SCHIP1: variants seen among roughly 807,000 people sequenced by gnomAD.
SCHIP1 encodes schwannomin-interacting protein 1.
SCHIP1 carries 8 observed loss-of-function variants against 29.7 expected under a neutral mutation model. The ratio of observed to expected loss-of-function variants is 0.27; its 90% CI spans 0.16 to 0.49. The LOEUF (loss-of-function observed/expected upper bound fraction) is 0.49. Ranked by LOEUF, SCHIP1 falls within the 20% of genes least tolerant of loss-of-function variation. The pLI is 0.99. For missense variants in SCHIP1, 193 were observed against 294.6 expected (o/e 0.66, Z 2.52); for synonymous variants, 76 against 94.9 (o/e 0.80, Z 1.16).
At chr3:159,864,489 A>G (rs1459696507) in intron 1 of SCHIP1, among the ~76,000 whole-genome samples, 2 of 151,468 alleles carry the variant, frequency 1.3e-5, no homozygotes, top group Non-Finnish European at 2.9e-5. Flanking sequence ...ACACACACAC[A>G]CACACACACA....
At chr3:159,282,710 A>G in the SCHIP1 span, 1 of 146,310 alleles carries the variant, frequency 6.8e-6, no homozygotes, top group South Asian at 2.3e-4. Context: ...GCAGAGAACA[A>G]AGGACTCAGT....
At chr3:159,359,388 G>T in the SCHIP1 span, among the ~76,000 whole-genome samples, 1 of 152,112 alleles carries the variant, frequency 6.6e-6, no homozygotes, top group Non-Finnish European at 1.5e-5. Context: ...CTGCCTTTCT[G>T]ATGGGTCATA....
chr3:159,394,241 A>G, the SCHIP1 span, among the ~76,000 whole-genome samples: 4 of 151,014 alleles, frequency 2.6e-5, no homozygotes, highest in African/African-American at 7.3e-5. Context: ...TTCTAGATAT[A>G]CAATCATGTC....
At chr3:159,605,978 A>G in the SCHIP1 span, among the ~76,000 whole-genome samples, 1 of 151,886 alleles carries the variant, frequency 6.6e-6, no homozygotes, top group Non-Finnish European at 1.5e-5. Context: ...TGCGGCAGAA[A>G]TCTTAAATCT....
At chr3:159,417,856 G>A in the SCHIP1 span, among the ~76,000 whole-genome samples, 1 of 152,178 alleles carries the variant, frequency 6.6e-6, no homozygotes, top group South Asian at 2.1e-4. Flanking sequence ...TTAAGAATTT[G>A]TCTCAGCTCG....
At chr3:159,719,161 G>A in the SCHIP1 span, among the ~76,000 whole-genome samples, 1 of 152,154 alleles carries the variant, frequency 6.6e-6, no homozygotes, top group East Asian at 1.9e-4. Flanking sequence ...AAATGGTGCT[G>A]GGAAAACTGG....
At chr3:159,492,653 T>C in the SCHIP1 span, among the ~76,000 whole-genome samples, 2 of 152,070 alleles carry the variant, frequency 1.3e-5, no homozygotes, top group East Asian at 1.9e-4. Flanking sequence ...ATGGGGAGAA[T>C]GGAACCAAGT....
the SCHIP1 span, among the ~76,000 whole-genome samples, chr3:159,582,347 A>T: frequency 1.3e-5 from 2 of 151,436 alleles, no homozygotes; most frequent in African/African-American, 4.9e-5. Context: ...TTTTATTTTT[A>T]ATAGAAATGA....
At chr3:159,833,800 T>G in the SCHIP1 span, among the ~76,000 whole-genome samples, 2 of 152,162 alleles carry the variant, frequency 1.3e-5, no homozygotes, top group Non-Finnish European at 2.9e-5. Context: ...ACCCCAACCC[T>G]CTCAGAATCA....
At chr3:159,363,930 A>C in the SCHIP1 span, among the ~76,000 whole-genome samples, 27 of 152,254 alleles carry the variant, frequency 1.8e-4, no homozygotes, top group Admixed American at 1.7e-3. Flanking sequence ...TAGGAAAAAT[A>C]CACAGAAACT....
chr3:159,626,242 ATC>A, the SCHIP1 span, among the ~76,000 whole-genome samples: 14 of 113,360 alleles, frequency 1.2e-4, no homozygotes, highest in South Asian at 2.6e-4. Flanking sequence ...AGATATATCT[ATC>A]TATCTATATA....
chr3:159,567,383 C>T, the SCHIP1 span, among the ~76,000 whole-genome samples: 1 of 151,778 alleles, frequency 6.6e-6, no homozygotes, highest in Non-Finnish European at 1.5e-5. Context: ...TCCTTTTTTT[C>T]TTGAGAAATA....
the SCHIP1 span, among the ~76,000 whole-genome samples, chr3:159,706,711 G>A: frequency 1.1e-3 from 172 of 152,166 alleles, 1 homozygote; most frequent in South Asian, 0.013. Context: ...ACTGGAGCTC[G>A]TTACTATACT....
At chr3:159,824,818 A>G in the SCHIP1 span, among the ~76,000 whole-genome samples, 5 of 152,218 alleles carry the variant, frequency 3.3e-5, no homozygotes, top group African/African-American at 1.2e-4. Context: ...CCTAAATTGT[A>G]GGTTGTTTCT....
At chr3:159,812,915 C>G in the SCHIP1 span, among the ~76,000 whole-genome samples, 1 of 152,174 alleles carries the variant, frequency 6.6e-6, no homozygotes, top group Non-Finnish European at 1.5e-5. Context: ...GGGCTTTATG[C>G]TGTATCACAA....
At chr3:159,756,081 G>A in the SCHIP1 span, among the ~76,000 whole-genome samples, 5 of 152,304 alleles carry the variant, frequency 3.3e-5, no homozygotes, top group South Asian at 4.1e-4. Flanking sequence ...CTGGGGTCTG[G>A]AAGATGGTGG....
the SCHIP1 span, among the ~76,000 whole-genome samples, chr3:159,757,377 T>A: frequency 1.3e-5 from 2 of 152,284 alleles, no homozygotes; most frequent in African/African-American, 4.8e-5. Flanking sequence ...CTATTCACTA[T>A]CACCAGAATA....
chr3:159,618,233 A>G, the SCHIP1 span, among the ~76,000 whole-genome samples: 1 of 152,210 alleles, frequency 6.6e-6, no homozygotes, highest in Non-Finnish European at 1.5e-5. Flanking sequence ...TATATGGAGA[A>G]GGAAAATACT....
the SCHIP1 span, among the ~76,000 whole-genome samples, chr3:159,617,730 G>A: frequency 1.3e-5 from 2 of 152,122 alleles, no homozygotes; most frequent in Admixed American, 6.6e-5. Flanking sequence ...TAGGAAGAGG[G>A]TATATAAGCT....
Sources: gnomAD v4.1 joint callset for allele counts (sites outside exome capture counted in the v4.1 genomes callset) on GRCh38, gnomAD v4.1.1 for gene constraint, MANE v1.5 for transcripts, NCBI Gene and HGNC (gene_info 2026-07-23, HGNC 2026-07-21) for gene names.